Variants in UBE3D observed in about 807,000 individuals in gnomAD.
UBE3D encodes ubiquitin protein ligase E3D.
In UBE3D, 48 loss-of-function variants were observed where a neutral mutation model predicts 49.6. That is an observed-to-expected ratio of 0.97 (90% CI 0.77 to 1.23). The LOEUF (loss-of-function observed/expected upper bound fraction) is 1.23, where lower values mean the gene tolerates loss of function less well. Among genes scored for constraint, UBE3D ranks in the 50% most tolerant of loss-of-function variants. The pLI is 0.00. For missense variants in UBE3D, 452 were observed against 468.4 expected (o/e 0.96, Z 0.32); for synonymous variants, 189 against 174.2 (o/e 1.08, Z -0.67).
chr6:83,028,795 C>A (rs896577174), intron 5 of UBE3D, among the ~76,000 whole-genome samples: 1 of 152,140 alleles, frequency 6.6e-6, no homozygotes, highest in African/African-American at 2.4e-5. Context: ...TCTTGTACAG[C>A]AGGTACGATA....
At chr6:82,994,199 G>A (rs540503565) in intron 8 of UBE3D, among the ~76,000 whole-genome samples, 31 of 152,232 alleles carry the variant, frequency 2.0e-4, no homozygotes, top group African/African-American at 7.5e-4. Context: ...ATTTGTTAGT[G>A]AAGACCTTAC....
rs572320598 is a variant in UBE3D, at chr6:83,015,088, G to T, written c.1010+3885C>A. On this transcript the variant is annotated intron_variant, in intron 8 of 9. Transcript: ENST00000369747. ...CACAACTTGGCCACTGCCACCTCGG[G>T]ATACAATTATTCCAATTGCATTTAA... Among the ~76,000 whole-genome samples the T allele has an allele frequency of 3.9e-5, 6 of 152,286 alleles. No individual in the cohort carries two copies. In the South Asian group the frequency reaches 1.2e-3, roughly 32 times the overall value.
At chr6:83,050,388 C>T (rs1458561104) in intron 3 of UBE3D, among the ~76,000 whole-genome samples, 1 of 152,040 alleles carries the variant, frequency 6.6e-6, no homozygotes, top group Non-Finnish European at 1.5e-5. Flanking sequence ...TTATCTAATC[C>T]AACGTCCTCA....
At chr6:83,059,363 G>A (rs558103637) in intron 1 of UBE3D, among the ~76,000 whole-genome samples, 43 of 152,282 alleles carry the variant, frequency 2.8e-4, no homozygotes, top group Admixed American at 6.5e-4. Context: ...CAGCCTGGGC[G>A]ACAGATCAAG....
chr6:83,030,887 C>T (rs902772515), intron 5 of UBE3D, among the ~76,000 whole-genome samples: 5 of 152,156 alleles, frequency 3.3e-5, no homozygotes, highest in Admixed American at 3.3e-4. Context: ...TTGTTGGGAA[C>T]TGGAGCAAGG....
chr6:83,022,651 A>C, intron 6 of UBE3D, 90 bp from the exon 7 acceptor site: 3 of 806,362 alleles, frequency 3.7e-6, no homozygotes, highest in Non-Finnish European at 5.6e-6. Flanking sequence ...CGGTACCTAA[A>C]AGGCAGACAT....
chr6:83,040,069 G>A (rs1442624799), intron 4 of UBE3D, among the ~76,000 whole-genome samples: 1 of 152,102 alleles, frequency 6.6e-6, no homozygotes, highest in Non-Finnish European at 1.5e-5. Flanking sequence ...GTGTATGTGT[G>A]TTATCAGATC....
chr6:82,973,430 C>A (rs1777491648), intron 8 of UBE3D, among the ~76,000 whole-genome samples: 1 of 152,088 alleles, frequency 6.6e-6, no homozygotes, highest in Non-Finnish European at 1.5e-5. Context: ...CGAAGAGCAC[C>A]TTGAGTTGAA....
At chr6:82,895,247 G>A (rs1298250672) in intron 9 of UBE3D, among the ~76,000 whole-genome samples, 1 of 152,142 alleles carries the variant, frequency 6.6e-6, no homozygotes, top group Non-Finnish European at 1.5e-5. Flanking sequence ...TATGGTAGAG[G>A]TTGCAGTGAG....
rs1775067368 is a variant in UBE3D at position 82,942,219 on chromosome 6, G to A, written c.1149+15093C>T. Among the ~76,000 whole-genome samples, 10 of 152,332 alleles carry A rather than the reference G, an allele frequency of 6.6e-5. No individual in the cohort carries two copies. In the South Asian group the frequency reaches 1.9e-3, roughly 28 times the overall value. ...GGAATAGAAAGGTCACTCTTGCTAT[G>A]TTTTAGCAAAGAGACTGGAGGCATT... On this transcript the variant is annotated intron_variant, in intron 9 of 9. Transcript: ENST00000369747.
At chr6:82,912,504 T>A (rs958623281) in intron 9 of UBE3D, among the ~76,000 whole-genome samples, 5 of 152,088 alleles carry the variant, frequency 3.3e-5, no homozygotes, top group Admixed American at 2.6e-4. Flanking sequence ...AATGTAAAAT[T>A]AGTCTTTTTT....
chr6:83,007,276 T>C (rs1780042876), intron 8 of UBE3D, among the ~76,000 whole-genome samples: 1 of 152,170 alleles, frequency 6.6e-6, no homozygotes, highest in Non-Finnish European at 1.5e-5. Flanking sequence ...AATAGTCAAA[T>C]GTAGAATTGT....
intron 9 of UBE3D, among the ~76,000 whole-genome samples, chr6:82,935,402 A>C (rs572319642): frequency 6.6e-6 from 1 of 152,306 alleles, no homozygotes; most frequent in Non-Finnish European, 1.5e-5. Context: ...TTGGATTAAA[A>C]TTCAACATAA....
intron 9 of UBE3D, among the ~76,000 whole-genome samples, chr6:82,955,165 A>T (rs1459102285): frequency 6.6e-6 from 1 of 152,096 alleles, no homozygotes; most frequent in Non-Finnish European, 1.5e-5. Flanking sequence ...TTGAAATGAC[A>T]TCCTTAAAGG....
chr6:83,019,224 G>A, intron 7 of UBE3D, 88 bp from the exon 8 acceptor site: 6 of 1,147,416 alleles, frequency 5.2e-6, no homozygotes, highest in Non-Finnish European at 7.0e-6. Flanking sequence ...AAGAGACTAT[G>A]AAAATACCAG....
intron 8 of UBE3D, among the ~76,000 whole-genome samples, chr6:82,959,557 G>C (rs1776399628): frequency 6.6e-6 from 1 of 151,700 alleles, no homozygotes; most frequent in Admixed American, 6.6e-5. Context: ...ATAAGCCCTT[G>C]ATTTGTTGAG....
intron 1 of UBE3D, among the ~76,000 whole-genome samples, chr6:83,060,401 TA>T (rs1784100869): frequency 6.6e-6 from 1 of 152,206 alleles, no homozygotes; most frequent in African/African-American, 2.4e-5. Flanking sequence ...GGGGCAGAAT[TA>T]GAAATACCTG....
intron 3 of UBE3D, among the ~76,000 whole-genome samples, chr6:83,049,140 C>T (rs563338680): frequency 6.6e-5 from 10 of 151,712 alleles, no homozygotes; most frequent in African/African-American, 2.2e-4. Context: ...TTAATAGAGG[C>T]AAAGAAAAAT....
At chr6:82,993,800 C>G (rs1779057544) in intron 8 of UBE3D, among the ~76,000 whole-genome samples, 1 of 152,212 alleles carries the variant, frequency 6.6e-6, no homozygotes, top group Admixed American at 6.5e-5. Context: ...ATTCACTCCA[C>G]TGACATACAG....
Sources: gnomAD v4.1 joint callset for allele counts (sites outside exome capture counted in the v4.1 genomes callset) on GRCh38, gnomAD v4.1.1 for gene constraint, MANE v1.5 for transcripts, NCBI Gene and HGNC (gene_info 2026-07-23, HGNC 2026-07-21) for gene names.